Variants in SGCZ observed in about 807,000 individuals in gnomAD.
The protein encoded by SGCZ is sarcoglycan zeta, also known as zeta-sarcoglycan.
Under a neutral mutation model 41.3 loss-of-function variants are expected in SGCZ, and 40 were observed. That is an observed-to-expected ratio of 0.97 (90% confidence interval 0.75 to 1.26). The LOEUF (loss-of-function observed/expected upper bound fraction) is 1.26, where lower values mean the gene tolerates loss of function less well. Among genes scored for constraint, SGCZ ranks in the 50% most tolerant of loss-of-function variants. The pLI is 0.00. For missense variants in SGCZ, 552 were observed against 369.8 expected (o/e 1.49, Z -4.04); for synonymous variants, 206 against 137.5 (o/e 1.50, Z -3.49).
chr8:14,258,456 G>A (rs1799540770), intron 3 of SGCZ, among the ~76,000 whole-genome samples: 1 of 151,918 alleles, frequency 6.6e-6, no homozygotes, highest in South Asian at 2.1e-4. Context: ...TCACAACTCT[G>A]GACTAACTGT....
At chr8:14,130,404 G>A (rs1024314685) in intron 5 of SGCZ, among the ~76,000 whole-genome samples, 14 of 152,140 alleles carry the variant, frequency 9.2e-5, no homozygotes, top group African/African-American at 3.4e-4. Flanking sequence ...TAGCTGTTAA[G>A]AAAATATAGA....
intron 1 of SGCZ, among the ~76,000 whole-genome samples, chr8:14,563,062 G>A (rs1009041021): frequency 6.6e-6 from 1 of 152,160 alleles, no homozygotes; most frequent in African/African-American, 2.4e-5. Flanking sequence ...ATCAGCTTAT[G>A]AAAAACTGAA....
At chr8:14,961,214 A>C (rs1329047984) in intron 1 of SGCZ, among the ~76,000 whole-genome samples, 1 of 151,986 alleles carries the variant, frequency 6.6e-6, no homozygotes, top group Non-Finnish European at 1.5e-5. Context: ...TTTTCTTTTT[A>C]TCAATATTTT....
chr8:14,215,671 A>G (rs1805969128), intron 4 of SGCZ, among the ~76,000 whole-genome samples: 1 of 152,130 alleles, frequency 6.6e-6, no homozygotes, highest in Admixed American at 6.6e-5. Context: ...ATCACTATAG[A>G]TAGTTTAATC....
intron 1 of SGCZ, among the ~76,000 whole-genome samples, chr8:14,996,439 T>G (rs1002142143): frequency 6.6e-6 from 1 of 152,062 alleles, no homozygotes; most frequent in African/African-American, 2.4e-5. Flanking sequence ...TCCCTCCCTG[T>G]CCCCCAGGCT....
At chr8:14,634,896 T>G (rs1585142273) in intron 1 of SGCZ, among the ~76,000 whole-genome samples, 1 of 152,062 alleles carries the variant, frequency 6.6e-6, no homozygotes, top group Admixed American at 6.6e-5. Context: ...CCAAGTATCA[T>G]AATTTTATTA....
At chr8:15,197,727 G>T (rs1800774174) in intron 1 of SGCZ, among the ~76,000 whole-genome samples, 1 of 152,024 alleles carries the variant, frequency 6.6e-6, no homozygotes, top group Non-Finnish European at 1.5e-5. Flanking sequence ...AACAGGGGGA[G>T]GCAAGGTCTA....
chr8:14,475,087 A>G (rs1404256393), intron 2 of SGCZ, among the ~76,000 whole-genome samples: 4 of 152,164 alleles, frequency 2.6e-5, no homozygotes, highest in African/African-American at 9.6e-5. Context: ...GAATATTTCA[A>G]ACCATACAAG....
chr8:14,620,307 T>G (rs1234769759), intron 1 of SGCZ, among the ~76,000 whole-genome samples: 4 of 152,122 alleles, frequency 2.6e-5, no homozygotes, highest in Admixed American at 2.6e-4. Flanking sequence ...ATTAAAGACT[T>G]AAATGTTAGA....
intron 2 of SGCZ, among the ~76,000 whole-genome samples, chr8:14,402,158 GACT>G (rs1799095500): frequency 1.3e-5 from 2 of 151,954 alleles, no homozygotes; most frequent in African/African-American, 4.8e-5. Context: ...TTGTAAATTT[GACT>G]GAGTTCATTG....
chr8:15,213,608 G>C (rs1801306395), intron 1 of SGCZ, among the ~76,000 whole-genome samples: 1 of 151,438 alleles, frequency 6.6e-6, no homozygotes, highest in African/African-American at 2.4e-5. Context: ...GATATCTAAA[G>C]TGCCACATTC....
chr8:15,080,890 C>G (rs956410844), intron 1 of SGCZ, among the ~76,000 whole-genome samples: 4 of 152,056 alleles, frequency 2.6e-5, no homozygotes, highest in Non-Finnish European at 5.9e-5. Context: ...CCGCGCCTGG[C>G]TCTGGTTGAT....
chr8:14,213,717 T>A (rs1805895593), intron 4 of SGCZ, among the ~76,000 whole-genome samples: 1 of 152,132 alleles, frequency 6.6e-6, no homozygotes, highest in African/African-American at 2.4e-5. Context: ...AAGTTTGATA[T>A]AATGCTCCAT....
chr8:14,612,020 A>C (rs778343862), intron 1 of SGCZ, among the ~76,000 whole-genome samples: 16 of 152,238 alleles, frequency 1.1e-4, no homozygotes, highest in Non-Finnish European at 2.1e-4. Context: ...GGAGGCATTA[A>C]TAAGCCATTA....
chr8:14,991,077 AACCACTCAT>A (rs1801999719), intron 1 of SGCZ, among the ~76,000 whole-genome samples: 1 of 152,186 alleles, frequency 6.6e-6, no homozygotes, highest in Admixed American at 6.5e-5. Flanking sequence ...CATGAGTTTA[AACCACTCAT>A]ACCACTCCAA....
chr8:14,267,847 T>A (rs1159648089), intron 3 of SGCZ, among the ~76,000 whole-genome samples: 1 of 152,046 alleles, frequency 6.6e-6, no homozygotes, highest in East Asian at 1.9e-4. Context: ...CTCATATTCT[T>A]TGCTCAAGGT....
Position 14,258,678 on chromosome 8 carries a change from G to C in SGCZ, c.337-20999C>G, listed in dbSNP as rs565890773. 3.7e-4 allele frequency among the ~76,000 whole-genome samples: 57 copies of C among 152,150 alleles called. 1 individual carries two copies. The highest frequency in any genetic ancestry group is 1.3e-3 in the African/African-American group (55 of 41,502). On this transcript the variant is annotated intron_variant, in intron 3 of 7. Transcript: ENST00000382080. ...ACAAAATAATATACAAATTTTACTG[G>C]ATTAATGTAATGGTCTTGTGATTAG... is the stretch of plus-strand genomic sequence containing the variant.
At chr8:14,152,843 A>T (rs557629653) in intron 5 of SGCZ, among the ~76,000 whole-genome samples, 1 of 152,338 alleles carries the variant, frequency 6.6e-6, no homozygotes, top group Non-Finnish European at 1.5e-5. Flanking sequence ...TACCAATTAG[A>T]AATAAGAATG....
At chr8:15,230,451 T>C (rs1801908000) in intron 1 of SGCZ, among the ~76,000 whole-genome samples, 1 of 152,228 alleles carries the variant, frequency 6.6e-6, no homozygotes, top group Non-Finnish European at 1.5e-5. Context: ...TCACTTGATT[T>C]TTCTGAGTCT....
Sources: gnomAD v4.1 joint callset for allele counts (sites outside exome capture counted in the v4.1 genomes callset) on GRCh38, gnomAD v4.1.1 for gene constraint, MANE v1.5 for transcripts, NCBI Gene and HGNC (gene_info 2026-07-23, HGNC 2026-07-21) for gene names.